Variants in KRABD3 observed in about 807,000 individuals in gnomAD.
The protein encoded by KRABD3 is KRAB domain-containing protein 3.
chr7:149,723,843 C>T, the KRABD3 span: 1 of 1,613,930 alleles, frequency 6.2e-7, no homozygotes, highest in Non-Finnish European at 8.5e-7. Context: ...GAGTGGGGAA[C>T]CGACGGCTAC....
At chr7:149,722,220 A>T in the KRABD3 span, among the ~76,000 whole-genome samples, 2 of 152,158 alleles carry the variant, frequency 1.3e-5, no homozygotes, top group African/African-American at 2.4e-5. Flanking sequence ...CTCAGGGGGA[A>T]GGGTCTGGGA....
At chr7:149,729,078 C>A in the KRABD3 span, 1 of 832,482 alleles carries the variant, frequency 1.2e-6, no homozygotes, top group Non-Finnish European at 1.7e-6. Flanking sequence ...ACACCTGATG[C>A]TGGTGTGCCT....
the KRABD3 span, among the ~76,000 whole-genome samples, chr7:149,726,507 G>T: frequency 6.6e-6 from 1 of 150,570 alleles, no homozygotes; most frequent in Admixed American, 6.6e-5. Context: ...GCACAATCTC[G>T]GCTCACTGCA....
At chr7:149,715,393 C>T in the KRABD3 span, 6 of 1,119,890 alleles carry the variant, frequency 5.4e-6, no homozygotes, top group South Asian at 4.5e-5. Flanking sequence ...ATCCTGGATC[C>T]CGGGGGCTGG....
the KRABD3 span, chr7:149,729,212 C>A: frequency 6.4e-7 from 1 of 1,572,834 alleles, no homozygotes; most frequent in Non-Finnish European, 8.6e-7. Context: ...GCCTGCGAGT[C>A]AGCCCGTCTC....
chr7:149,728,627 A>C, the KRABD3 span: 94 of 1,613,526 alleles, frequency 5.8e-5, no homozygotes, highest in Non-Finnish European at 7.6e-5. Flanking sequence ...AGCAGCAGAC[A>C]GGGGACCGAG....
At chr7:149,730,192 T>C in the KRABD3 span, 2 of 1,574,766 alleles carry the variant, frequency 1.3e-6, no homozygotes, top group South Asian at 1.2e-5. Context: ...GAGAGCGCCC[T>C]GAGGGGGATC....
chr7:149,720,492 C>G, the KRABD3 span, among the ~76,000 whole-genome samples: 1 of 152,272 alleles, frequency 6.6e-6, no homozygotes, highest in African/African-American at 2.4e-5. Flanking sequence ...TGGGCAAGGC[C>G]AGGCATTTAG....
chr7:149,726,367 C>T, the KRABD3 span, among the ~76,000 whole-genome samples: 1 of 151,860 alleles, frequency 6.6e-6, no homozygotes, highest in Admixed American at 6.6e-5. Context: ...GAGGCTGAGG[C>T]AGGAAGATCA....
the KRABD3 span, chr7:149,719,732 C>G: frequency 6.4e-7 from 1 of 1,551,550 alleles, no homozygotes; most frequent in Non-Finnish European, 8.7e-7. The surrounding 1 kb of genome is among the most constrained non-coding windows in gnomAD (Gnocchi z 5.6). Flanking sequence ...GAAGGGAGGC[C>G]GGAGTCCCTG....
the KRABD3 span, chr7:149,723,765 C>T: frequency 6.2e-7 from 1 of 1,613,954 alleles, no homozygotes; most frequent in Non-Finnish European, 8.5e-7. Flanking sequence ...GGGATTGTCC[C>T]CTCCAGGGTC....
chr7:149,729,514 ACT>A, the KRABD3 span: 1 of 1,258,334 alleles, frequency 7.9e-7, no homozygotes, highest in Non-Finnish European at 1.0e-6. Flanking sequence ...CCAAACAGAA[ACT>A]GAGGTTCGCT....
chr7:149,725,418 C>G, the KRABD3 span: 1 of 1,611,938 alleles, frequency 6.2e-7, no homozygotes, highest in Admixed American at 1.7e-5. Context: ...CTTCTTGTTC[C>G]CAGAACCCCC....
the KRABD3 span, chr7:149,715,193 G>T: frequency 8.2e-7 from 1 of 1,221,900 alleles, no homozygotes; most frequent in Non-Finnish European, 1.0e-6. Flanking sequence ...CTGATGCTCA[G>T]GGGTTCGTGC....
chr7:149,720,781 G>A, the KRABD3 span: 1 of 1,516,046 alleles, frequency 6.6e-7, no homozygotes. Context: ...GCACGTAGGT[G>A]TGAGTGCTGA....
chr7:149,721,015 A>C, the KRABD3 span: 2 of 1,611,434 alleles, frequency 1.2e-6, no homozygotes, highest in South Asian at 1.1e-5. Context: ...GGGGCAGTGC[A>C]CGCAGCCTCC....
the KRABD3 span, among the ~76,000 whole-genome samples, chr7:149,718,513 C>CTTTTT: frequency 9.8e-4 from 80 of 81,966 alleles, 1 homozygote; most frequent in Non-Finnish European, 1.3e-3. Flanking sequence ...CACTGAAGGA[C>CTTTTT]TTTTTTTTTT....
the KRABD3 span, chr7:149,733,488 C>A: frequency 8.1e-5 from 128 of 1,582,136 alleles, 1 homozygote; most frequent in South Asian, 1.4e-3. Context: ...CCCCAAGGCC[C>A]TGGGCCAATG....
chr7:149,719,907 A>T, the KRABD3 span: 1 of 1,373,886 alleles, frequency 7.3e-7, no homozygotes, highest in Non-Finnish European at 9.6e-7. This position sits in a 1 kb window ranked among gnomAD's most constrained non-coding sequence, Gnocchi z 5.6. Flanking sequence ...AAGTGGTCAC[A>T]TGAATGTGCA....
Sources: gnomAD v4.1 joint callset for allele counts (sites outside exome capture counted in the v4.1 genomes callset) on GRCh38, gnomAD v4.1.1 for gene constraint, Gnocchi (gnomAD v3.1) non-coding constraint, MANE v1.5 for transcripts, NCBI Gene and HGNC (gene_info 2026-07-23, HGNC 2026-07-21) for gene names.